The following ZMYM5 variants were observed in gnomAD, a reference collection of about 807,000 sequenced individuals.
ZMYM5 encodes zinc finger MYM-type protein 5.
In ZMYM5, 41 loss-of-function variants were observed where a neutral mutation model predicts 61.8. The observed-to-expected ratio is 0.66, with a 90% CI of 0.52 to 0.86. ZMYM5 has a LOEUF of 0.86. Ranked by LOEUF, ZMYM5 falls within the 40% of genes least tolerant of loss-of-function variation. The pLI is 0.00. For missense variants in ZMYM5, 706 were observed against 786.7 expected (o/e 0.90, Z 1.23); for synonymous variants, 257 against 276.4 (o/e 0.93, Z 0.70).
intron 2 of ZMYM5, among the ~76,000 whole-genome samples, chr13:19,856,469 C>T (rs796405065): frequency 2.6e-5 from 4 of 151,876 alleles, no homozygotes; most frequent in African/African-American, 9.7e-5. Context: ...GGAGAAACCC[C>T]ACCTCTACTA....
intron 2 of ZMYM5, among the ~76,000 whole-genome samples, chr13:19,860,870 G>C (rs1953722762): frequency 1.4e-5 from 2 of 146,450 alleles, no homozygotes; most frequent in South Asian, 4.6e-4. Context: ...AGAGGATAAG[G>C]ATTATATCTC....
intron 2 of ZMYM5, among the ~76,000 whole-genome samples, chr13:19,858,392 C>T (rs1002193564): frequency 1.3e-5 from 2 of 151,748 alleles, no homozygotes; most frequent in Admixed American, 6.6e-5. Flanking sequence ...CAAGACCAGC[C>T]TAGGCAACAT....
In ZMYM5 at chr13:19,843,123, C is replaced by T. The variant is rs527766937; in HGVS notation, c.587-4138G>A. On this transcript the variant is annotated intron_variant, in intron 4 of 7. Coordinates refer to ENST00000337963, the MANE Select transcript of ZMYM5 (RefSeq NM_001142684.2). ...GAGCCACTGCATCCAGCAGATTTAACAGTTTTTTTTTTTCTTTTTTGAGAT... is the reference window on the plus strand; with the variant it reads ...GAGCCACTGCATCCAGCAGATTTAATAGTTTTTTTTTTTCTTTTTTGAGAT... Among the ~76,000 whole-genome samples, 225 of 148,074 alleles carry T rather than the reference C, an allele frequency of 1.5e-3. 3 individuals are homozygous for T. The highest frequency in any genetic ancestry group is 5.6e-3 in the African/African-American group (219 of 39,158).
chr13:19,847,642 CTTTTTT>C (rs61154366), intron 4 of ZMYM5, among the ~76,000 whole-genome samples: 1 of 140,758 alleles, frequency 7.1e-6, no homozygotes, highest in Non-Finnish European at 1.5e-5. Flanking sequence ...TTTAATTTTT[CTTTTTT>C]TTTTTTTTCT....
chr13:19,860,468 G>A (rs867588414), intron 2 of ZMYM5, among the ~76,000 whole-genome samples: 8 of 141,824 alleles, frequency 5.6e-5, no homozygotes, highest in Admixed American at 1.5e-4. Context: ...GTGTGTGTGT[G>A]TGTATTTTTT....
chr13:19,834,183 G>A (rs896976551), intron 7 of ZMYM5, among the ~76,000 whole-genome samples: 29 of 152,102 alleles, frequency 1.9e-4, no homozygotes, highest in African/African-American at 6.5e-4. Context: ...TCGCCACGTT[G>A]GTCAGGCTGG....
chr13:19,852,151 C>G lies in ZMYM5; in HGVS notation c.30G>C (p.Glu10Asp), dbSNP rs779791460. The G allele has an allele frequency of 5.0e-6, 8 of 1,607,070 alleles. No individual in the cohort carries two copies. The highest frequency in any genetic ancestry group is 3.4e-5 in the Admixed American group (2 of 58,868). Residue 10 changes from glutamate (E) to aspartate (D), a missense_variant, in exon 3 of 8, where the codon GAG becomes GAC. By Grantham distance (45) the Glu-to-Asp change is conservative. Transcript: ENST00000337963. ...ATAAAGCAGGAGTCTGTTCAGTCAA[C>G]TCTAATCCTCCCACTGAACATTTTT... is the stretch of plus-strand genomic sequence containing the variant. Reference protein sequence around the residue: MEKCSVGGLELTEQTPALLG... With the variant: MEKCSVGGLDLTEQTPALLG...
chr13:19,851,168 T>C (rs1006547190), intron 4 of ZMYM5, among the ~76,000 whole-genome samples, 187 bp downstream of exon 4: 4 of 151,724 alleles, frequency 2.6e-5, no homozygotes, highest in Non-Finnish European at 5.9e-5. Flanking sequence ...TGAGCTGAGA[T>C]TGCGCCATTG....
In ZMYM5 at chr13:19,824,568, GATTTTA is replaced by G. The variant is rs772387962; in HGVS notation, c.1913_1918del (p.Leu638_Lys639del). Reference sequence around the variant, plus strand: ...AATAGCTTTATTTTTTTTCAGATCAGATTTTAATTTTGAGTACTTAACACTATTGTT... The same window carrying G: ...AATAGCTTTATTTTTTTTCAGATCAGATTTTGAGTACTTAACACTATTGTT... On this transcript the variant is annotated inframe_deletion, in exon 8 of 8. Transcript: ENST00000337963. The G allele has an allele frequency of 2.5e-5, 33 of 1,316,384 alleles. No individual in the cohort carries two copies. The highest frequency in any genetic ancestry group is 4.8e-5 in the East Asian group (1 of 21,022). 81.5% of individuals were successfully genotyped at this position (1,316,384 alleles called of 1,614,324 possible). A position where few individuals can be genotyped will look rare whatever the true frequency, so the allele number is the denominator to read the frequency against.
At chr13:19,851,596 G>A in intron 3 of ZMYM5, 93 bp downstream of exon 3, 4 of 1,543,048 alleles carry the variant, frequency 2.6e-6, no homozygotes, top group Non-Finnish European at 2.6e-6. Context: ...CATTCACAGA[G>A]CTTATACCTG....
Position 19,824,653 on chromosome 13 carries a change from A to G in ZMYM5, c.1834T>C (p.Trp612Arg), listed in dbSNP as rs1352558796. 1 of 1,325,374 alleles carries G rather than the reference A, an allele frequency of 7.5e-7. No individual in the cohort carries two copies. The highest frequency in any genetic ancestry group is 1.0e-6 in the Non-Finnish European group (1 of 1,000,546). The allele number at this position is 1,325,374 out of a possible 1,614,324, so 82.1% of individuals were successfully genotyped here. ...CTAAGAATATGTGATAAATGTTGCC[A>G]ATCTTTGCACCCATTTTCATTTTTC... ...QLKNENGCKD[W>R]QHLSHILSKH... The change falls in exon 8 of 8, where the codon TGG (tryptophan) becomes CGG (arginine). Residue 612 changes from tryptophan (W) to arginine (R), a missense_variant. This residue lies in a region of ZMYM5 where 226 missense variants were observed against 325.0 expected (regional missense o/e 0.70). Transcript: ENST00000337963.
chr13:19,830,940 C>T (rs1220386929), intron 7 of ZMYM5, among the ~76,000 whole-genome samples: 1 of 149,110 alleles, frequency 6.7e-6, no homozygotes, highest in African/African-American at 2.5e-5. Flanking sequence ...CCCAAGTTCT[C>T]GCCATTCTCC....
At chr13:19,839,244 T>C (rs1952781258) in intron 4 of ZMYM5, among the ~76,000 whole-genome samples, 1 of 149,442 alleles carries the variant, frequency 6.7e-6, no homozygotes, top group Admixed American at 6.7e-5. Context: ...CCATCGGCTC[T>C]TAAGTCAGAC....
At chr13:19,840,559 AG>A (rs1952832954) in intron 4 of ZMYM5, among the ~76,000 whole-genome samples, 1 of 152,108 alleles carries the variant, frequency 6.6e-6, no homozygotes, top group African/African-American at 2.4e-5. Flanking sequence ...TTTTTTGTAG[AG>A]GCAAGGTCTC....
chr13:19,856,395 C>G (rs184971501), intron 2 of ZMYM5, among the ~76,000 whole-genome samples: 69 of 152,138 alleles, frequency 4.5e-4, no homozygotes, highest in African/African-American at 1.5e-3. Context: ...AATCCCAGCA[C>G]TTTGGGAGGC....
At chr13:19,856,669 G>A (rs567610113) in intron 2 of ZMYM5, among the ~76,000 whole-genome samples, 11 of 151,396 alleles carry the variant, frequency 7.3e-5, no homozygotes, top group South Asian at 2.1e-4. Context: ...ATTGATTCAC[G>A]CGTGGTGGCA....
intron 4 of ZMYM5, among the ~76,000 whole-genome samples, chr13:19,843,835 CAA>C (rs550862924): frequency 2.2e-4 from 17 of 78,258 alleles, no homozygotes; most frequent in Non-Finnish European, 2.4e-4. Context: ...GACTCTGTCT[CAA>C]AAAAAAAAAA....
In ZMYM5 at chr13:19,852,034, T is replaced by G; in HGVS notation, c.147A>C (p.Ser49=). 2 of 1,613,966 alleles carry G rather than the reference T, an allele frequency of 1.2e-6. No individual in the cohort carries two copies. The highest frequency in any genetic ancestry group is 1.7e-6 in the Non-Finnish European group (2 of 1,179,998). Residue 49 remains serine (S), a synonymous_variant, in exon 3 of 8, where the codon TCA becomes TCC. Coordinates refer to ENST00000337963, the MANE Select transcript of ZMYM5 (RefSeq NM_001142684.2). The stretch of plus-strand genomic sequence containing the variant: ...CATCATCATCATCATCTTCCACTGG[T>G]GAGTTCCTAGATCTACTGACTAAAG... ...ACPLVSRSRN[S]PVEDDDDDDD...
chr13:19,858,031 TAATAA>T (rs138907046), intron 2 of ZMYM5, among the ~76,000 whole-genome samples: 14,644 of 148,548 alleles, frequency 0.099, 823 homozygotes, highest in African/African-American at 0.16. Context: ...AAAATAAATA[TAATAA>T]AATAAAATAA....
Sources: gnomAD v4.1 joint callset for allele counts (sites outside exome capture counted in the v4.1 genomes callset) on GRCh38, gnomAD v4.1.1 for gene constraint, gnomAD v4.1.1 regional missense constraint, MANE v1.5 for transcripts, NCBI Gene and HGNC (gene_info 2026-07-23, HGNC 2026-07-21) for gene names.